The following OBP2B variants were observed in gnomAD, a reference collection of about 807,000 sequenced individuals.
OBP2B encodes odorant-binding protein 2b.
Under a neutral mutation model 21.7 loss-of-function variants are expected in OBP2B, and 10 were observed. That is an observed-to-expected ratio of 0.46 (90% CI 0.28 to 0.78). The LOEUF is 0.78. OBP2B is among the 30% of genes least tolerant of loss of function. The pLI is 0.11. For synonymous variants in OBP2B, 73 were observed against 91.5 expected (o/e 0.80, Z 1.16); for missense variants, 153 against 217.7 (o/e 0.70, Z 1.87).
chr9:133,219,500 A>G, the OBP2B span, among the ~76,000 whole-genome samples: 1 of 152,234 alleles, frequency 6.6e-6, no homozygotes, highest in South Asian at 2.1e-4. Flanking sequence ...ATGACCAATA[A>G]ACACCTGAAA....
At chr9:133,208,344 T>C in intron 2 of OBP2B, 125 bp downstream of exon 2, 1 of 1,600,256 alleles carries the variant, frequency 6.2e-7, no homozygotes, top group Non-Finnish European at 8.5e-7. Flanking sequence ...GCCCAGGCTG[T>C]TTCCCTCCAA....
chr9:133,212,451 T>A (rs1380457582), upstream of OBP2B, among the ~76,000 whole-genome samples: 2 of 152,196 alleles, frequency 1.3e-5, no homozygotes, highest in South Asian at 2.1e-4. Context: ...AAGAAATTTT[T>A]AAAAATTTAA....
rs187029373 is a variant in OBP2B at position 133,208,382 on chromosome 9, G to C, written c.206+87C>G. 15 of 1,601,396 alleles carry C rather than the reference G, an allele frequency of 9.4e-6. No homozygotes were observed. The African/African-American group carries it at 1.6e-4, about 17-fold the overall frequency. On this transcript the variant is annotated intron_variant, in intron 2 of 6. Coordinates refer to ENST00000372034, the MANE Select transcript of OBP2B (RefSeq NM_014581.4). ...CAGGGGGTGACTCTTCCCAACACCC[G>C]AAACGTGGATGGGGCAATGGGCACC...
chr9:133,209,824 G>C (rs1833874668), upstream of OBP2B, among the ~76,000 whole-genome samples: 1 of 152,094 alleles, frequency 6.6e-6, no homozygotes, highest in Admixed American at 6.5e-5. This position sits in a 1 kb window ranked among gnomAD's most constrained non-coding sequence, Gnocchi z 6.0. Context: ...TGTGGCTCAG[G>C]GTCAGTTTAT....
chr9:133,208,960 G>A (rs1833845328), intron 1 of OBP2B, among the ~76,000 whole-genome samples, 168 bp downstream of exon 1: 1 of 152,052 alleles, frequency 6.6e-6, no homozygotes, highest in Non-Finnish European at 1.5e-5. Flanking sequence ...GCCTCGGGGG[G>A]CCGTGTCTGC....
chr9:133,215,179 A>T, the OBP2B span, among the ~76,000 whole-genome samples: 1 of 152,030 alleles, frequency 6.6e-6, no homozygotes, highest in Non-Finnish European at 1.5e-5. Context: ...TATAGTGGCT[A>T]AAAAAAAGAG....
Position 133,208,471 on chromosome 9 carries a change from G to A in OBP2B, c.204C>T (p.Phe68=). ...GCCCTGCAGTGGGCAACACTCACAT[G>A]AAGGTGAACGTGGCTTCCAACTTCC... is the stretch of plus-strand genomic sequence containing the variant. The part of the protein sequence containing the change: ...GGGKLEATFT[F]MREDRCIQKK... The change falls in exon 2 of 7, where the codon TTC becomes TTT. Residue 68 remains phenylalanine (F), a splice_region_variant and synonymous_variant. Transcript: ENST00000372034. The A allele has an allele frequency of 3.7e-6, 6 of 1,613,656 alleles. No homozygotes were observed. Among genetic ancestry groups the A allele is most frequent in the Non-Finnish European group, 3.4e-6 (4 of 1,179,674 alleles).
At chr9:133,221,088 G>T in the OBP2B span, among the ~76,000 whole-genome samples, 1 of 147,398 alleles carries the variant, frequency 6.8e-6, no homozygotes, top group Non-Finnish European at 1.5e-5. Context: ...ATCTGAAGTT[G>T]TCTCAGCAAA....
At chr9:133,209,781 C>T (rs75600896), upstream of OBP2B, among the ~76,000 whole-genome samples, 2,212 of 152,140 alleles carry the variant, frequency 0.015, 108 homozygotes, top group East Asian at 0.14. This position sits in a 1 kb window ranked among gnomAD's most constrained non-coding sequence, Gnocchi z 6.0. Flanking sequence ...ACCCTGCACT[C>T]GAGCTTCCTA....
upstream of OBP2B, among the ~76,000 whole-genome samples, chr9:133,209,895 T>G (rs1833877909): frequency 6.6e-6 from 1 of 152,208 alleles, no homozygotes; most frequent in African/African-American, 2.4e-5. This position sits in a 1 kb window ranked among gnomAD's most constrained non-coding sequence, Gnocchi z 6.0. Flanking sequence ...CTTCACTCCG[T>G]ACCGGAGCCT....
rs1319228008 is a variant in OBP2B, at chr9:133,208,555, A to G, written c.120T>C (p.Phe40=). ...YVKAMVVDKD[F]PEDRRPRKVS... ...CCTTCCTGGGCCTCCTGTCCTCCGG[A>G]AAGTCCTTATCGACCACCATGGCCT... Residue 40 remains phenylalanine (F), a synonymous_variant, in exon 2 of 7, where the codon TTT becomes TTC. Transcript: ENST00000372034. 7.4e-6 allele frequency: 12 copies of G among 1,612,982 alleles called. No homozygotes were observed. Among genetic ancestry groups the G allele is most frequent in the Non-Finnish European group, 9.3e-6 (11 of 1,179,420 alleles).
chr9:133,208,020 G>T, intron 3 of OBP2B, 113 bp downstream of exon 3: 1 of 1,505,972 alleles, frequency 6.6e-7, no homozygotes, highest in Admixed American at 2.0e-5. Flanking sequence ...TTGGAGGTGG[G>T]CAGAGCTGGG....
chr9:133,211,702 C>T (rs558857286), upstream of OBP2B, among the ~76,000 whole-genome samples: 3 of 152,294 alleles, frequency 2.0e-5, no homozygotes, highest in East Asian at 3.9e-4. Flanking sequence ...ATGGTAACAT[C>T]ATTAACATAT....
Position 133,207,272 on chromosome 9 carries a change from G to T in OBP2B, c.342C>A (p.Cys114Ter). The change falls in exon 4 of 7, where the codon TGC becomes TGA. Residue 114 changes from cysteine (C) to a stop codon, truncating the protein, a stop_gained. Transcript: ENST00000372034. LOFTEE classifies it high-confidence loss of function. ...LPRRDHYIFY[C>*]KDQHHGGLLH... The stretch of plus-strand genomic sequence containing the variant: ...GCAGGCCCCCATGGTGCTGGTCTTT[G>T]CAGTAAAAGATGTAGTGGTCCCTCC... 6.2e-7 allele frequency: 1 copy of T among 1,613,914 alleles called. No individual in the cohort carries two copies. Among genetic ancestry groups the T allele is most frequent in the Non-Finnish European group, 8.5e-7 (1 of 1,179,856 alleles).
the OBP2B span, among the ~76,000 whole-genome samples, chr9:133,218,761 G>A: frequency 6.9e-3 from 1,050 of 152,238 alleles, 6 homozygotes; most frequent in Non-Finnish European, 0.011. Context: ...GGAGTCAGAC[G>A]GCGTGGACGG....
At chr9:133,213,458 G>A (rs150813597), upstream of OBP2B, among the ~76,000 whole-genome samples, 544 of 152,162 alleles carry the variant, frequency 3.6e-3, 3 homozygotes, top group African/African-American at 0.013. Context: ...GCAGAAAGCA[G>A]AAAAAATCGA....
chr9:133,220,801 C>G, the OBP2B span, among the ~76,000 whole-genome samples: 2 of 152,198 alleles, frequency 1.3e-5, no homozygotes, highest in Admixed American at 6.5e-5. Flanking sequence ...GGTGGGCCCA[C>G]TGTTATCACA....
chr9:133,222,759 G>A, the OBP2B span, among the ~76,000 whole-genome samples: 2 of 152,092 alleles, frequency 1.3e-5, no homozygotes, highest in African/African-American at 4.8e-5. Flanking sequence ...TCAGGGACCT[G>A]AGAGCCATTC....
chr9:133,210,245 C>T (rs1174632146), upstream of OBP2B, among the ~76,000 whole-genome samples: 1 of 152,124 alleles, frequency 6.6e-6, no homozygotes, highest in African/African-American at 2.4e-5. Context: ...TCCCTGGGAC[C>T]CAAGGCTGAC....
Sources: gnomAD v4.1 joint callset for allele counts (sites outside exome capture counted in the v4.1 genomes callset) on GRCh38, gnomAD v4.1.1 for gene constraint, Gnocchi (gnomAD v3.1) non-coding constraint, MANE v1.5 for transcripts, NCBI Gene and HGNC (gene_info 2026-07-23, HGNC 2026-07-21) for gene names.